The following WWOX variants were observed in gnomAD, a reference collection of about 807,000 sequenced individuals.
WWOX encodes the protein WW domain containing oxidoreductase.
In WWOX, 69 loss-of-function variants were observed where a neutral mutation model predicts 46.2. The ratio of observed to expected loss-of-function variants is 1.49; its 90% CI spans 1.23 to 1.82. The LOEUF is 1.82. WWOX is among the 40% of genes most tolerant of loss of function. WWOX has a pLI of 0.00. For synonymous variants in WWOX, 359 were observed against 202.6 expected, an observed-to-expected ratio of 1.77 and a Z score of -6.56; for missense variants, 919 against 542.6, an observed-to-expected ratio of 1.69 and a Z score of -6.89.
chr16:78,257,544 C>T (rs556202605), intron 5 of WWOX, among the ~76,000 whole-genome samples: 11 of 152,276 alleles, frequency 7.2e-5, no homozygotes, highest in Non-Finnish European at 1.3e-4. Context: ...CAAGGAGAAC[C>T]TGCAGGGAGC....
chr16:78,598,038 G>C (rs111427787), intron 8 of WWOX, among the ~76,000 whole-genome samples: 7 of 152,222 alleles, frequency 4.6e-5, no homozygotes, highest in African/African-American at 1.7e-4. Flanking sequence ...TCTATGTCCA[G>C]CTCCACTAAT....
chr16:78,916,740 G>C (rs1218844398), intron 8 of WWOX, among the ~76,000 whole-genome samples: 8 of 152,196 alleles, frequency 5.3e-5, no homozygotes, highest in Non-Finnish European at 1.2e-4. Flanking sequence ...TCTAAACTAA[G>C]TGTCTGATAA....
intron 8 of WWOX, among the ~76,000 whole-genome samples, chr16:78,445,117 G>T (rs8051791): frequency 0.049 from 7,511 of 152,236 alleles, 603 homozygotes; most frequent in African/African-American, 0.17. Context: ...CCACCTCGTG[G>T]GGTGAAGGGA....
At chr16:78,851,647 C>T (rs778749188) in intron 8 of WWOX, among the ~76,000 whole-genome samples, 1 of 152,204 alleles carries the variant, frequency 6.6e-6, no homozygotes, top group Non-Finnish European at 1.5e-5. Flanking sequence ...CATAGAGATG[C>T]TCAATAAATC....
intron 8 of WWOX, among the ~76,000 whole-genome samples, chr16:78,544,384 TACA>T (rs201807840): frequency 0.012 from 1,843 of 152,298 alleles, 25 homozygotes; most frequent in Middle Eastern, 0.045. Context: ...TAATCTTCCC[TACA>T]ACCTTATTAA....
intron 8 of WWOX, among the ~76,000 whole-genome samples, chr16:78,901,859 G>T (rs957004333): frequency 6.6e-6 from 1 of 152,314 alleles, no homozygotes; most frequent in East Asian, 1.9e-4. Flanking sequence ...GAGGGATGAC[G>T]TGAATTCACA....
intron 5 of WWOX, among the ~76,000 whole-genome samples, chr16:78,352,633 C>A (rs1050453093): frequency 1.3e-5 from 2 of 152,204 alleles, no homozygotes; most frequent in Admixed American, 1.3e-4. Context: ...GTTTGAAGGT[C>A]AGCCAATTAG....
intron 5 of WWOX, among the ~76,000 whole-genome samples, chr16:78,235,467 A>ACAATCCT (rs1386253138): frequency 6.6e-6 from 1 of 152,144 alleles, no homozygotes; most frequent in Non-Finnish European, 1.5e-5. Context: ...CAGAACCCTG[A>ACAATCCT]CAATCCTTGC....
chr16:79,022,517 C>A (rs997478161), intron 8 of WWOX, among the ~76,000 whole-genome samples: 2 of 152,088 alleles, frequency 1.3e-5, no homozygotes, highest in African/African-American at 2.4e-5. Flanking sequence ...ATTCCGAAAG[C>A]ATATGTTCCC....
At chr16:78,152,177 G>A (rs1045151961) in intron 4 of WWOX, among the ~76,000 whole-genome samples, 3 of 147,366 alleles carry the variant, frequency 2.0e-5, no homozygotes, top group Non-Finnish European at 3.0e-5. Flanking sequence ...GCGACAGAGC[G>A]AGACTCCGTC....
intron 8 of WWOX, among the ~76,000 whole-genome samples, chr16:78,992,674 C>G (rs1191497204): frequency 1.3e-5 from 2 of 152,090 alleles, no homozygotes; most frequent in South Asian, 4.1e-4. Context: ...CCACAGAAGC[C>G]TCAAGCCTAA....
chr16:78,809,338 C>T (rs1000596379), intron 8 of WWOX, among the ~76,000 whole-genome samples: 2 of 147,822 alleles, frequency 1.4e-5, no homozygotes, highest in Non-Finnish European at 3.0e-5. Flanking sequence ...AAGAAAAAAC[C>T]ACCGTGGTAT....
chr16:78,975,360 C>T (rs2046550365), intron 8 of WWOX, among the ~76,000 whole-genome samples: 1 of 151,974 alleles, frequency 6.6e-6, no homozygotes, highest in Non-Finnish European at 1.5e-5. Context: ...GGTTAACATC[C>T]TACATGAACA....
At chr16:78,151,976 G>T (rs898198753) in intron 4 of WWOX, among the ~76,000 whole-genome samples, 1 of 152,160 alleles carries the variant, frequency 6.6e-6, no homozygotes. Flanking sequence ...AGATCACGAG[G>T]TCAGGAGATG....
rs534055627 is a variant in WWOX, at chr16:79,212,001, G to T, written c.*205G>T. ...GGTAAAGTATCACTTTTCTGGGGCT[G>T]GGCTAGGCATAGGTCTCTTTGCTTT... On this transcript the variant is annotated 3_prime_UTR_variant, in exon 9 of 9. Coordinates refer to ENST00000566780, the MANE Select transcript of WWOX (RefSeq NM_016373.4). 1 of 1,533,266 alleles carries T rather than the reference G, an allele frequency of 6.5e-7. No homozygotes were observed. Among genetic ancestry groups the T allele is most frequent in the South Asian group, 1.2e-5 (1 of 84,034 alleles). The allele number at this position is 1,533,266 out of a possible 1,614,324, so 95.0% of individuals were successfully genotyped here. A position where few individuals can be genotyped will look rare whatever the true frequency, so the allele number is the denominator to read the frequency against.
At chr16:79,195,617 T>G (rs2051224855) in intron 8 of WWOX, among the ~76,000 whole-genome samples, 2 of 152,148 alleles carry the variant, frequency 1.3e-5, no homozygotes, top group African/African-American at 2.4e-5. Context: ...TATATTCATG[T>G]AAGTGAGGTG....
chr16:78,758,658 G>T (rs2049717469), intron 8 of WWOX, among the ~76,000 whole-genome samples: 1 of 152,102 alleles, frequency 6.6e-6, no homozygotes, highest in African/African-American at 2.4e-5. Flanking sequence ...AAGAGCTCTG[G>T]CTTTGGTTCC....
chr16:78,515,785 A>T (rs893408347), intron 8 of WWOX, among the ~76,000 whole-genome samples: 1 of 152,164 alleles, frequency 6.6e-6, no homozygotes. Context: ...AACTTAGCGG[A>T]GGGTACAGGG....
chr16:79,036,434 A>T (rs895674130), intron 8 of WWOX, among the ~76,000 whole-genome samples: 2 of 152,224 alleles, frequency 1.3e-5, no homozygotes, highest in African/African-American at 4.8e-5. Flanking sequence ...CCATATAAGT[A>T]TCTGCATTTG....
Sources: gnomAD v4.1 joint callset for allele counts (sites outside exome capture counted in the v4.1 genomes callset) on GRCh38, gnomAD v4.1.1 for gene constraint, MANE v1.5 for transcripts, NCBI Gene and HGNC (gene_info 2026-07-23, HGNC 2026-07-21) for gene names.